BANP: variants seen among roughly 807,000 people sequenced by gnomAD.
BANP encodes BTG3 associated nuclear protein.
In BANP, 11 loss-of-function variants were observed where a neutral mutation model predicts 68.1. The observed-to-expected ratio is 0.16, with a 90% CI of 0.10 to 0.27. The LOEUF (loss-of-function observed/expected upper bound fraction) is 0.27, where lower values mean the gene tolerates loss of function less well. BANP is among the 10% of genes least tolerant of loss of function. The pLI is 1.00. For synonymous variants in BANP, 329 were observed against 303.2 expected (o/e 1.09, Z -0.88); for missense variants, 504 against 722.7 (o/e 0.70, Z 3.47).
chr16:88,070,046 C>T (rs2089924370), intron 12 of BANP, among the ~76,000 whole-genome samples: 1 of 152,176 alleles, frequency 6.6e-6, no homozygotes, highest in Non-Finnish European at 1.5e-5. Flanking sequence ...TCCACTTCCG[C>T]TTCATGAATA....
At chr16:87,983,114 C>G (rs371298265) in intron 3 of BANP, among the ~76,000 whole-genome samples, 1 of 152,138 alleles carries the variant, frequency 6.6e-6, no homozygotes, top group Non-Finnish European at 1.5e-5. Flanking sequence ...ACCCCACGCT[C>G]TTTAGGTCAT....
At chr16:87,974,134 T>C (rs1168155640) in intron 1 of BANP, among the ~76,000 whole-genome samples, 1 of 152,230 alleles carries the variant, frequency 6.6e-6, no homozygotes, top group East Asian at 1.9e-4. Flanking sequence ...TATGTGTCAA[T>C]AATTAAAATA....
rs927632301 is a variant in BANP at position 88,003,620 on chromosome 16, G to A, written c.363-675G>A. ...AGCTGCCGCCTGTCTGAACACACTCGTGCTTCCTCCAGGGTGGCGCCAGGC... is the reference window on the plus strand; with the variant it reads ...AGCTGCCGCCTGTCTGAACACACTCATGCTTCCTCCAGGGTGGCGCCAGGC... On this transcript the variant is annotated intron_variant, in intron 4 of 13. Transcript: ENST00000682872. This position sits in a 1 kb window ranked among gnomAD's most constrained non-coding sequence, Gnocchi z 6.1. 21 of 443,636 alleles carry A rather than the reference G, an allele frequency of 4.7e-5. No homozygotes were observed. The highest frequency in any genetic ancestry group is 4.4e-4 in the Admixed American group (18 of 41,296). The allele number at this position is 443,636 out of a possible 1,614,324, so 27.5% of individuals were successfully genotyped here.
intron 2 of BANP, among the ~76,000 whole-genome samples, chr16:87,979,593 G>C (rs1047365635): frequency 2.6e-5 from 4 of 152,198 alleles, no homozygotes; most frequent in African/African-American, 9.7e-5. Context: ...TCTGGCCACA[G>C]TGAGGTCATC....
chr16:88,001,519 C>T (rs942531413), intron 4 of BANP, among the ~76,000 whole-genome samples: 2 of 152,190 alleles, frequency 1.3e-5, no homozygotes, highest in East Asian at 1.9e-4. Flanking sequence ...AAAGATGTTC[C>T]ATAATTTAAA....
intron 11 of BANP, among the ~76,000 whole-genome samples, chr16:88,045,917 C>T (rs1018740374): frequency 1.3e-5 from 2 of 152,228 alleles, no homozygotes; most frequent in African/African-American, 4.8e-5. Flanking sequence ...GGGGTGGCAG[C>T]AGCACCTGCT....
chr16:88,050,022 G>T (rs79056128), intron 11 of BANP, among the ~76,000 whole-genome samples: 3,371 of 152,284 alleles, frequency 0.022, 128 homozygotes, highest in African/African-American at 0.078. Context: ...TGGTGTGTGG[G>T]CGTGGCCGGC....
chr16:87,951,688 C>A lies in BANP; in HGVS notation c.-69+173C>A, dbSNP rs942914843. On this transcript the variant is annotated intron_variant, in intron 1 of 13. Transcript: ENST00000682872. ...CGATCGCCCCCCGGGCCCCGCTCCC[C>A]GTCCCCGGCCGCGCCCCGGAAGAGG... 1.1e-4 allele frequency among the ~76,000 whole-genome samples: 16 copies of A among 149,142 alleles called. No homozygotes were observed. The East Asian group carries it at 2.1e-3, about 20-fold the overall frequency.
chr16:88,032,085 G>A (rs190035919), intron 8 of BANP, among the ~76,000 whole-genome samples: 11 of 152,050 alleles, frequency 7.2e-5, no homozygotes, highest in Admixed American at 5.2e-4. Context: ...GATTACAGGC[G>A]TGAGCCACCG....
chr16:88,046,172 C>A (rs1039951016), intron 11 of BANP, among the ~76,000 whole-genome samples: 1 of 152,232 alleles, frequency 6.6e-6, no homozygotes, highest in African/African-American at 2.4e-5. Flanking sequence ...TGGACTGCGG[C>A]CCTTAGAGCC....
chr16:87,975,920 A>C (rs913788081), intron 2 of BANP, among the ~76,000 whole-genome samples: 1 of 144,346 alleles, frequency 6.9e-6, no homozygotes, highest in African/African-American at 2.6e-5. Flanking sequence ...GAACCTTACC[A>C]TGTGGTGTGT....
chr16:88,060,208 TA>T (rs889828442), intron 11 of BANP, among the ~76,000 whole-genome samples: 1 of 152,254 alleles, frequency 6.6e-6, no homozygotes, highest in Non-Finnish European at 1.5e-5. Flanking sequence ...TTTCTAAGCA[TA>T]ACGTAGTTTG....
intron 4 of BANP, among the ~76,000 whole-genome samples, chr16:87,999,440 A>C (rs1598297950): frequency 4.5e-5 from 2 of 44,470 alleles, no homozygotes; most frequent in African/African-American, 1.1e-4. Context: ...GTCTCCATGC[A>C]CGCACGTGCG....
At chr16:88,055,300 C>A (rs1367466785) in intron 11 of BANP, among the ~76,000 whole-genome samples, 2 of 152,088 alleles carry the variant, frequency 1.3e-5, no homozygotes, top group African/African-American at 4.8e-5. Context: ...CACACACACC[C>A]CTGAATGATT....
At position 88,039,218 on chromosome 16, in the gene BANP, C is replaced by T. The variant is rs150203462; in HGVS notation, c.1311+1207C>T. Among the ~76,000 whole-genome samples the T allele has an allele frequency of 3.9e-3, 600 of 152,064 alleles. 5 individuals carry two copies. The highest frequency in any genetic ancestry group is 0.014 in the African/African-American group (575 of 41,562). Reference sequence around the variant, plus strand: ...TCTCAGGTAGTCCTGCAGCATCGCTCGTCTGTAAGTATGAATTGCTGCTCT... The same window carrying T: ...TCTCAGGTAGTCCTGCAGCATCGCTTGTCTGTAAGTATGAATTGCTGCTCT... On this transcript the variant is annotated intron_variant, in intron 11 of 13. Transcript: ENST00000682872.
chr16:87,954,632 G>A (rs1483980453), intron 1 of BANP, among the ~76,000 whole-genome samples: 1 of 152,354 alleles, frequency 6.6e-6, no homozygotes, highest in East Asian at 1.9e-4. Flanking sequence ...GGGGGAGTTA[G>A]CTCTCCTGTG....
At chr16:88,056,306 C>T (rs997959284) in intron 11 of BANP, among the ~76,000 whole-genome samples, 4 of 152,216 alleles carry the variant, frequency 2.6e-5, no homozygotes, top group African/African-American at 7.2e-5. Flanking sequence ...GATGACTAGT[C>T]AGTAAAATAG....
In BANP at chr16:88,033,114, A is replaced by G. The variant is rs779004026; in HGVS notation, c.1069A>G (p.Met357Val). 8.1e-6 allele frequency: 13 copies of G among 1,603,650 alleles called. No homozygotes were observed. The South Asian group carries it at 1.4e-4, about 18-fold the overall frequency. ...CACACCTGTTGCCCCCACAGAGCCG[A>G]TGATGAGCACCCCACCTCCTGCCAG... ...NSSSYCPSEP[M>V]MSTPPPASEL... Residue 357 changes from methionine to valine, a missense_variant, in exon 9 of 14, where the codon ATG (methionine) becomes GTG (valine). Around this residue, in one of 3 missense-constraint regions of BANP, gnomAD observed 223 missense variants for 246.2 expected, o/e 0.91. Transcript: ENST00000682872.
chr16:87,975,538 G>A (rs57143118), intron 2 of BANP, among the ~76,000 whole-genome samples: 2,980 of 151,092 alleles, frequency 0.02, 88 homozygotes, highest in African/African-American at 0.068. Flanking sequence ...TGTGTGCGGC[G>A]TCATGGAACC....
Sources: gnomAD v4.1 joint callset for allele counts (sites outside exome capture counted in the v4.1 genomes callset) on GRCh38, gnomAD v4.1.1 for gene constraint, gnomAD v4.1.1 regional missense constraint, Gnocchi (gnomAD v3.1) non-coding constraint, MANE v1.5 for transcripts, NCBI Gene and HGNC (gene_info 2026-07-23, HGNC 2026-07-21) for gene names.